The following VAT1L variants were observed in gnomAD, a reference collection of about 807,000 sequenced individuals.
VAT1L encodes the protein putative NADPH-dependent quinone oxidoreductase VAT1L.
Under a neutral mutation model 44.1 loss-of-function variants are expected in VAT1L, and 34 were observed. That is an observed-to-expected ratio of 0.77 (90% CI 0.59 to 1.03). The LOEUF (loss-of-function observed/expected upper bound fraction) is 1.03, where lower values mean the gene tolerates loss of function less well. VAT1L is among the 50% of genes least tolerant of loss of function. VAT1L has a pLI of 0.00. For synonymous variants in VAT1L, 253 were observed against 202.2 expected (o/e 1.25, Z -2.13); for missense variants, 615 against 538.8 (o/e 1.14, Z -1.40).
Position 77,879,224 on chromosome 16 carries a change from A to T in VAT1L, c.882A>T (p.Ser294=). ...AGAGCTTCTTCAGCTTTGCAAAATC[A>T]GTAAGTATCCAGGCACATCTGATGT... ...ETKSFFSFAK[S]WWQVEKVNPI... The change falls in exon 6 of 9, where the codon TCA becomes TCT. Residue 294 remains serine, a splice_region_variant and synonymous_variant. Coordinates refer to ENST00000302536, the MANE Select transcript of VAT1L (RefSeq NM_020927.3). This position sits in a 1 kb window ranked among gnomAD's most constrained non-coding sequence, Gnocchi z 4.1. 6.2e-7 allele frequency: 1 copy of T among 1,614,124 alleles called. No individual in the cohort carries two copies. The highest frequency in any genetic ancestry group is 8.5e-7 in the Non-Finnish European group (1 of 1,179,948).
chr16:77,801,949 G>A (rs765536275), intron 1 of VAT1L, among the ~76,000 whole-genome samples: 2 of 152,000 alleles, frequency 1.3e-5, no homozygotes, highest in South Asian at 2.1e-4. Flanking sequence ...AGCCGGAATC[G>A]ACGATGCATG....
chr16:77,840,730 C>A (rs1351712960), intron 3 of VAT1L, among the ~76,000 whole-genome samples: 3 of 152,110 alleles, frequency 2.0e-5, no homozygotes, highest in Non-Finnish European at 2.9e-5. Context: ...TTGGCAGATA[C>A]GTGTTTGATT....
chr16:77,884,589 A>G lies in VAT1L; in HGVS notation c.883-19A>G. 3 of 1,609,424 alleles carry G rather than the reference A, an allele frequency of 1.9e-6. No homozygotes were observed. The highest frequency in any genetic ancestry group is 2.2e-5 in the East Asian group (1 of 44,796). ...CCCGGTATTGAGTTCCTATAACCCA[A>G]TACCACCTCTCTTTGCAGTGGTGGC... On this transcript the variant is annotated intron_variant, in intron 6 of 8. Transcript: ENST00000302536. The surrounding 1 kb of genome is among the most constrained non-coding windows in gnomAD (Gnocchi z 4.5).
At chr16:77,797,678 C>T (rs1381560490) in intron 1 of VAT1L, among the ~76,000 whole-genome samples, 1 of 152,166 alleles carries the variant, frequency 6.6e-6, no homozygotes, top group Non-Finnish European at 1.5e-5. Context: ...ATCACTGACA[C>T]TCAACACTGA....
intron 7 of VAT1L, among the ~76,000 whole-genome samples, chr16:77,905,754 T>C (rs1239571042): frequency 6.6e-6 from 1 of 152,188 alleles, no homozygotes; most frequent in African/African-American, 2.4e-5. Context: ...TCACCTGTGT[T>C]TGTGCGTCCT....
intron 7 of VAT1L, among the ~76,000 whole-genome samples, chr16:77,944,915 C>T (rs913203082): frequency 5.9e-5 from 9 of 152,024 alleles, no homozygotes; most frequent in African/African-American, 1.7e-4. Context: ...GTCTGCCCCC[C>T]GCCACACACA....
Position 77,880,254 on chromosome 16 carries a change from T to A in VAT1L, c.882+1030T>A, listed in dbSNP as rs374343371. Among the ~76,000 whole-genome samples the A allele has an allele frequency of 3.2e-4, 49 of 152,240 alleles. 1 individual carries two copies. The South Asian group carries it at 9.1e-3, about 28-fold the overall frequency. On this transcript the variant is annotated intron_variant, in intron 6 of 8. Coordinates refer to ENST00000302536, the MANE Select transcript of VAT1L (RefSeq NM_020927.3). ...TCACTGCAACCTCCACCTCCTGGGC[T>A]GTAGCAACCCTCCTGCTTCAGCCTC...
At chr16:77,793,698 A>G (rs1489786773) in intron 1 of VAT1L, among the ~76,000 whole-genome samples, 2 of 152,230 alleles carry the variant, frequency 1.3e-5, no homozygotes, top group South Asian at 2.1e-4. Context: ...AAGAGGCTAC[A>G]TGAAACTGCT....
intron 3 of VAT1L, among the ~76,000 whole-genome samples, chr16:77,851,232 A>C (rs1329016630): frequency 6.6e-6 from 1 of 152,206 alleles, no homozygotes; most frequent in Non-Finnish European, 1.5e-5. Context: ...TTACAGATTG[A>C]ACCTTTCCAA....
intron 7 of VAT1L, among the ~76,000 whole-genome samples, chr16:77,912,164 A>C (rs1368210252): frequency 6.6e-6 from 1 of 152,170 alleles, no homozygotes; most frequent in Non-Finnish European, 1.5e-5. Context: ...CCTGAGTTAA[A>C]GTCCTGACTC....
intron 7 of VAT1L, among the ~76,000 whole-genome samples, chr16:77,952,288 C>G (rs942298412): frequency 6.6e-6 from 1 of 152,172 alleles, no homozygotes; most frequent in Admixed American, 6.5e-5. Context: ...CAGTTTGGAT[C>G]TGTGTCCCAA....
At chr16:77,926,750 C>T (rs1361795119) in intron 7 of VAT1L, among the ~76,000 whole-genome samples, 5 of 152,158 alleles carry the variant, frequency 3.3e-5, no homozygotes, top group African/African-American at 7.2e-5. Context: ...CAAATCACTG[C>T]CCCCTCTAGA....
chr16:77,799,732 T>A (rs1441838639), intron 1 of VAT1L, among the ~76,000 whole-genome samples: 2 of 152,122 alleles, frequency 1.3e-5, no homozygotes, highest in African/African-American at 4.8e-5. Context: ...ACTGGAGAAG[T>A]CAGGTCCATT....
chr16:77,898,409 G>T (rs1159449225), intron 7 of VAT1L, among the ~76,000 whole-genome samples: 1 of 152,132 alleles, frequency 6.6e-6, no homozygotes, highest in Non-Finnish European at 1.5e-5. Flanking sequence ...ATTATAAAGG[G>T]CTAAAGAGAT....
At chr16:77,915,641 G>A (rs1004505542) in intron 7 of VAT1L, among the ~76,000 whole-genome samples, 1 of 152,192 alleles carries the variant, frequency 6.6e-6, no homozygotes. Context: ...AGGCCTAGAG[G>A]CAGGAGGCCC....
chr16:77,915,036 A>G (rs2017538107), intron 7 of VAT1L, among the ~76,000 whole-genome samples: 1 of 152,150 alleles, frequency 6.6e-6, no homozygotes. Context: ...GAGGCAGGAG[A>G]ATCGCTTGAA....
rs543520866 is a variant in VAT1L at position 77,961,098 on chromosome 16, T to C, written c.1078-10752T>C. 4.6e-5 allele frequency among the ~76,000 whole-genome samples: 7 copies of C among 152,302 alleles called. No individual in the cohort carries two copies. The East Asian group carries it at 1.4e-3, about 30-fold the overall frequency. ...TTTCTGAGAGCATCTATCAGGACGCTGCAGCTCCTGTGCTGCTGTCTGTCT... is the reference window on the plus strand; with the variant it reads ...TTTCTGAGAGCATCTATCAGGACGCCGCAGCTCCTGTGCTGCTGTCTGTCT... On this transcript the variant is annotated intron_variant, in intron 7 of 8. Transcript: ENST00000302536.
intron 7 of VAT1L, among the ~76,000 whole-genome samples, chr16:77,922,220 T>A (rs1294544672): frequency 1.3e-5 from 2 of 152,290 alleles, no homozygotes; most frequent in East Asian, 3.9e-4. Context: ...TGTCTCTGTG[T>A]ATCTGTGTCT....
At chr16:77,969,702 C>A (rs1260327482) in intron 7 of VAT1L, among the ~76,000 whole-genome samples, 2 of 151,680 alleles carry the variant, frequency 1.3e-5, no homozygotes, top group Non-Finnish European at 2.9e-5. Flanking sequence ...TAGGTGTAGC[C>A]CATGTTCACG....
Sources: gnomAD v4.1 joint callset for allele counts (sites outside exome capture counted in the v4.1 genomes callset) on GRCh38, gnomAD v4.1.1 for gene constraint, Gnocchi (gnomAD v3.1) non-coding constraint, MANE v1.5 for transcripts, NCBI Gene and HGNC (gene_info 2026-07-23, HGNC 2026-07-21) for gene names.